The following SEMA5A variants were observed in gnomAD, a reference collection of about 807,000 sequenced individuals.
SEMA5A encodes the protein semaphorin 5A.
In SEMA5A, 55 loss-of-function variants were observed where a neutral mutation model predicts 135.5. The observed-to-expected ratio is 0.41, with a 90% CI of 0.33 to 0.51. The LOEUF is 0.51. SEMA5A is among the 20% of genes least tolerant of loss of function. The pLI is 0.37. For synonymous variants in SEMA5A, 580 were observed against 546.5 expected, an observed-to-expected ratio of 1.06 and a Z score of -0.85; for missense variants, 1,290 against 1,419.9, an observed-to-expected ratio of 0.91 and a Z score of 1.47.
intron 18 of SEMA5A, among the ~76,000 whole-genome samples, chr5:9,058,404 T>C (rs1737007295): frequency 6.6e-6 from 1 of 152,122 alleles, no homozygotes; most frequent in Non-Finnish European, 1.5e-5. Flanking sequence ...CATAGGAATC[T>C]CCTCATGGCT....
chr5:9,504,964 A>G (rs184364024), intron 1 of SEMA5A, among the ~76,000 whole-genome samples: 23 of 152,366 alleles, frequency 1.5e-4, no homozygotes, highest in Admixed American at 1.4e-3. Context: ...AATAGATAGT[A>G]TCCGATCATC....
At chr5:9,156,771 A>T (rs1022737430) in intron 11 of SEMA5A, among the ~76,000 whole-genome samples, 1 of 152,140 alleles carries the variant, frequency 6.6e-6, no homozygotes, top group Non-Finnish European at 1.5e-5. Flanking sequence ...TTTAACAAAG[A>T]CTCATTGCTG....
intron 3 of SEMA5A, among the ~76,000 whole-genome samples, chr5:9,376,698 T>C (rs770299494): frequency 6.6e-6 from 1 of 152,160 alleles, no homozygotes; most frequent in Non-Finnish European, 1.5e-5. Flanking sequence ...TCATTGAAGG[T>C]TCACTCCGAA....
intron 12 of SEMA5A, among the ~76,000 whole-genome samples, chr5:9,150,127 C>A (rs1216049398): frequency 1.3e-5 from 2 of 152,168 alleles, no homozygotes; most frequent in Admixed American, 6.5e-5. Flanking sequence ...GTGTGAGTCA[C>A]CACTTCCAGC....
intron 1 of SEMA5A, among the ~76,000 whole-genome samples, chr5:9,475,999 T>A (rs952630171): frequency 6.6e-6 from 1 of 152,196 alleles, no homozygotes; most frequent in African/African-American, 2.4e-5. Flanking sequence ...TGATCAAAAA[T>A]ACCTATGCAA....
intron 8 of SEMA5A, among the ~76,000 whole-genome samples, chr5:9,205,793 G>A (rs940574974): frequency 6.6e-6 from 1 of 152,114 alleles, no homozygotes; most frequent in Non-Finnish European, 1.5e-5. Context: ...CACATCATGC[G>A]GCCCTACACT....
intron 5 of SEMA5A, among the ~76,000 whole-genome samples, chr5:9,289,497 CTACAAAAAA>C (rs1180808235): frequency 6.6e-6 from 1 of 151,618 alleles, no homozygotes; most frequent in Non-Finnish European, 1.5e-5. Flanking sequence ...AACCCCGTCT[CTACAAAAAA>C]TACAAAAAAT....
chr5:9,154,117 A>G (rs865791871), intron 12 of SEMA5A, among the ~76,000 whole-genome samples: 1 of 120,246 alleles, frequency 8.3e-6, no homozygotes, highest in African/African-American at 3.1e-5. Context: ...ATGTGTGTGT[A>G]TGTATGTATG....
At chr5:9,298,738 G>A (rs1751460308) in intron 5 of SEMA5A, among the ~76,000 whole-genome samples, 1 of 152,118 alleles carries the variant, frequency 6.6e-6, no homozygotes, top group Non-Finnish European at 1.5e-5. Context: ...TGTAGATTAA[G>A]GTTCTTTTTC....
chr5:9,276,540 C>A (rs1750271440), intron 5 of SEMA5A, among the ~76,000 whole-genome samples: 1 of 152,096 alleles, frequency 6.6e-6, no homozygotes, highest in South Asian at 2.1e-4. Flanking sequence ...GGAGGCAACA[C>A]TGGAGTTACC....
intron 15 of SEMA5A, among the ~76,000 whole-genome samples, chr5:9,113,460 CCA>C (rs1305978261): frequency 3.3e-5 from 5 of 152,160 alleles, no homozygotes; most frequent in African/African-American, 4.8e-5. Context: ...GGTCTTCCCA[CCA>C]CACACACAAA....
intron 9 of SEMA5A, among the ~76,000 whole-genome samples, chr5:9,198,297 C>G (rs989296258): frequency 1.3e-5 from 2 of 152,214 alleles, no homozygotes; most frequent in Middle Eastern, 3.4e-3. Context: ...TTACTAATTC[C>G]CATTCATTTA....
intron 6 of SEMA5A, among the ~76,000 whole-genome samples, chr5:9,230,675 T>C (rs1263032505): frequency 6.6e-6 from 1 of 152,150 alleles, no homozygotes; most frequent in African/African-American, 2.4e-5. Flanking sequence ...AGGAGGTCTG[T>C]GCAGAATTTT....
chr5:9,345,700 A>T (rs894711493), intron 3 of SEMA5A, among the ~76,000 whole-genome samples: 1 of 152,222 alleles, frequency 6.6e-6, no homozygotes, highest in Non-Finnish European at 1.5e-5. Context: ...TACCCAGTAT[A>T]AGAACAAGAA....
At chr5:9,293,680 C>T (rs910788053) in intron 5 of SEMA5A, among the ~76,000 whole-genome samples, 1 of 152,140 alleles carries the variant, frequency 6.6e-6, no homozygotes, top group Non-Finnish European at 1.5e-5. Flanking sequence ...TTTCTTTCTC[C>T]TCCTCCAAAA....
intron 5 of SEMA5A, chr5:9,265,376 C>G: frequency 2.2e-6 from 1 of 455,170 alleles, no homozygotes; most frequent in Non-Finnish European, 4.4e-6. Flanking sequence ...CCTACCAGAC[C>G]ATATAATTTA....
chr5:9,341,648 TATATATATA>T (rs1396133330), intron 3 of SEMA5A, among the ~76,000 whole-genome samples: 5 of 90,526 alleles, frequency 5.5e-5, no homozygotes, highest in African/African-American at 1.6e-4. Flanking sequence ...AATATGACTA[TATATATATA>T]ATATATATAA....
At chr5:9,346,324 T>C (rs1336794361) in intron 3 of SEMA5A, among the ~76,000 whole-genome samples, 2 of 152,136 alleles carry the variant, frequency 1.3e-5, no homozygotes, top group African/African-American at 2.4e-5. Context: ...CCACTTTCAT[T>C]GGCATTTATC....
chr5:9,403,279 G>T (rs79014854), intron 2 of SEMA5A, among the ~76,000 whole-genome samples: 3 of 152,096 alleles, frequency 2.0e-5, no homozygotes, highest in African/African-American at 7.2e-5. Context: ...AAACCAGACC[G>T]TAAGCAAAGA....
Sources: allele counts gnomAD v4.1 joint callset (sites outside exome capture counted in the v4.1 genomes callset), GRCh38; gene constraint gnomAD v4.1.1; transcripts MANE v1.5; gene names NCBI Gene and HGNC (gene_info 2026-07-23, HGNC 2026-07-21).